ARB2A: variants seen among roughly 807,000 people sequenced by gnomAD.
ARB2A encodes the protein cotranscriptional regulator ARB2A.
chr5:93,865,904 A>G, the ARB2A span: 6 of 985,466 alleles, frequency 6.1e-6, no homozygotes, highest in Non-Finnish European at 6.0e-6. Context: ...TGTCCACCTT[A>G]TCGCTATGAG....
the ARB2A span, among the ~76,000 whole-genome samples, chr5:94,013,778 C>A: frequency 6.6e-6 from 1 of 152,104 alleles, no homozygotes; most frequent in African/African-American, 2.4e-5. Flanking sequence ...AAAACAAATA[C>A]ACAGCACTGA....
chr5:94,055,109 C>T, the ARB2A span, among the ~76,000 whole-genome samples: 1 of 152,188 alleles, frequency 6.6e-6, no homozygotes, highest in East Asian at 1.9e-4. Flanking sequence ...AAAGTTCTCA[C>T]TATCTGTCAT....
the ARB2A span, among the ~76,000 whole-genome samples, chr5:94,021,404 T>G: frequency 6.6e-6 from 1 of 152,140 alleles, no homozygotes. Context: ...AGATGGCAGT[T>G]CCAAGGTGAT....
chr5:93,844,540 T>TA, the ARB2A span, among the ~76,000 whole-genome samples: 1 of 152,034 alleles, frequency 6.6e-6, no homozygotes, highest in Non-Finnish European at 1.5e-5. Flanking sequence ...ATGCAGAAAG[T>TA]AAAAAAATTT....
chr5:93,952,694 T>C, the ARB2A span, among the ~76,000 whole-genome samples: 8 of 152,222 alleles, frequency 5.3e-5, no homozygotes, highest in Non-Finnish European at 1.0e-4. Context: ...TAGAAAGTTA[T>C]AGATATTGAT....
chr5:93,619,757 C>T, the ARB2A span: 1 of 152,178 alleles, frequency 6.6e-6, no homozygotes, highest in Admixed American at 6.5e-5. Context: ...TTGGCCACAT[C>T]TTAGCTGGAT....
the ARB2A span, among the ~76,000 whole-genome samples, chr5:94,094,896 A>G: frequency 2.6e-5 from 4 of 152,224 alleles, no homozygotes; most frequent in Non-Finnish European, 4.4e-5. Flanking sequence ...AAGGATATAG[A>G]TTAACAGGAG....
chr5:93,649,447 A>G, the ARB2A span, among the ~76,000 whole-genome samples: 18 of 152,150 alleles, frequency 1.2e-4, no homozygotes, highest in Non-Finnish European at 2.4e-4. Flanking sequence ...GCCAGAACCC[A>G]AGCAGAAGGC....
chr5:93,998,807 A>C, the ARB2A span, among the ~76,000 whole-genome samples: 1 of 152,062 alleles, frequency 6.6e-6, no homozygotes, highest in African/African-American at 2.4e-5. Flanking sequence ...AATTCACAAT[A>C]GATTATTTGC....
chr5:93,971,609 T>TAAATAAATAAAA, the ARB2A span, among the ~76,000 whole-genome samples: 43 of 150,390 alleles, frequency 2.9e-4, no homozygotes, highest in East Asian at 7.8e-4. Flanking sequence ...AATAAATAAA[T>TAAATAAATAAAA]AAAACAAAAA....
At chr5:93,968,711 G>A in the ARB2A span, among the ~76,000 whole-genome samples, 1 of 152,032 alleles carries the variant, frequency 6.6e-6, no homozygotes, top group Non-Finnish European at 1.5e-5. Context: ...GATCCAGGAA[G>A]TGCAGACAGC....
the ARB2A span, among the ~76,000 whole-genome samples, chr5:94,088,877 G>T: frequency 8.5e-3 from 1,299 of 152,276 alleles, 9 homozygotes; most frequent in Non-Finnish European, 0.014. Flanking sequence ...TGAAGGCTGA[G>T]AATTCAATTC....
chr5:93,700,771 G>GA, the ARB2A span, among the ~76,000 whole-genome samples: 1 of 152,030 alleles, frequency 6.6e-6, no homozygotes, highest in Non-Finnish European at 1.5e-5. Context: ...ATAACATACA[G>GA]ATTTTAAAAT....
the ARB2A span, among the ~76,000 whole-genome samples, chr5:94,061,400 A>G: frequency 6.6e-6 from 1 of 152,186 alleles, no homozygotes; most frequent in Non-Finnish European, 1.5e-5. Context: ...GGTTGAAAAC[A>G]AGAAAGAATA....
the ARB2A span, among the ~76,000 whole-genome samples, chr5:93,992,486 T>C: frequency 4.6e-5 from 7 of 152,160 alleles, no homozygotes; most frequent in Admixed American, 2.6e-4. Context: ...GGATGTTAAG[T>C]GGATTACAAC....
At chr5:93,969,004 T>C in the ARB2A span, among the ~76,000 whole-genome samples, 4 of 149,948 alleles carry the variant, frequency 2.7e-5, no homozygotes, top group South Asian at 6.3e-4. Flanking sequence ...AATAAAAATT[T>C]AGGGAATTTT....
At chr5:93,758,919 A>C in the ARB2A span, among the ~76,000 whole-genome samples, 2 of 152,158 alleles carry the variant, frequency 1.3e-5, no homozygotes, top group Non-Finnish European at 2.9e-5. Flanking sequence ...AATGAAACCA[A>C]AACAAAGGAA....
chr5:93,707,484 AT>A, the ARB2A span, among the ~76,000 whole-genome samples: 1 of 151,836 alleles, frequency 6.6e-6, no homozygotes, highest in Non-Finnish European at 1.5e-5. Flanking sequence ...TTTGGCATTT[AT>A]TCTTTTAAAA....
At chr5:93,752,803 A>C in the ARB2A span, among the ~76,000 whole-genome samples, 1 of 152,300 alleles carries the variant, frequency 6.6e-6, no homozygotes, top group African/African-American at 2.4e-5. Context: ...TTTATTATGA[A>C]TGATAAACTG....
Sources: gnomAD v4.1 joint callset for allele counts (sites outside exome capture counted in the v4.1 genomes callset) on GRCh38, gnomAD v4.1.1 for gene constraint, MANE v1.5 for transcripts, NCBI Gene and HGNC (gene_info 2026-07-23, HGNC 2026-07-21) for gene names.